CEP83: variants seen among roughly 807,000 people sequenced by gnomAD.
The protein encoded by CEP83 is centrosomal protein 83, also known as centrosomal protein of 83 kDa.
Under a neutral mutation model 101.9 loss-of-function variants are expected in CEP83, and 70 were observed. The observed-to-expected ratio is 0.69, with a 90% CI of 0.57 to 0.84. CEP83 has a LOEUF of 0.84. CEP83 is among the 40% of genes least tolerant of loss of function. CEP83 has a pLI of 0.00. For missense variants in CEP83, 715 were observed against 787.2 expected (o/e 0.91, Z 1.10); for synonymous variants, 264 against 267.9 (o/e 0.99, Z 0.14).
intron 1 of CEP83, among the ~76,000 whole-genome samples, chr12:94,437,002 A>C (rs1185251031): frequency 6.6e-6 from 1 of 152,086 alleles, no homozygotes; most frequent in African/African-American, 2.4e-5. Flanking sequence ...ATTTGAGGGA[A>C]TAATTGAGGA....
chr12:94,442,260 T>C (rs942221640), intron 1 of CEP83, among the ~76,000 whole-genome samples: 34 of 151,360 alleles, frequency 2.2e-4, no homozygotes, highest in Admixed American at 1.9e-3. Context: ...CTAACTGAAG[T>C]AACTCAGGAA....
At chr12:94,355,815 A>G (rs1366987513) in intron 11 of CEP83, among the ~76,000 whole-genome samples, 1 of 152,238 alleles carries the variant, frequency 6.6e-6, no homozygotes, top group Non-Finnish European at 1.5e-5. Flanking sequence ...TTAAGGGCGT[A>G]TTCCTGCTGC....
At chr12:94,359,886 A>G (rs1382932155) in intron 11 of CEP83, among the ~76,000 whole-genome samples, 2 of 152,132 alleles carry the variant, frequency 1.3e-5, no homozygotes, top group African/African-American at 4.8e-5. Context: ...CTCAACAAAA[A>G]CACCAGCAAA....
At chr12:94,424,570 G>C in intron 2 of CEP83, 1 of 1,613,380 alleles carries the variant, frequency 6.2e-7, no homozygotes, top group East Asian at 2.2e-5. Context: ...AATTTGTGGG[G>C]TCCTGTTCCT....
At chr12:94,385,205 A>T (rs2062068569) in intron 6 of CEP83, among the ~76,000 whole-genome samples, 1 of 152,156 alleles carries the variant, frequency 6.6e-6, no homozygotes, top group Admixed American at 6.5e-5. Flanking sequence ...TTAGGCCTCA[A>T]CTGACACCTC....
intron 7 of CEP83, among the ~76,000 whole-genome samples, chr12:94,376,688 TATACACACACACACACACAC>T (rs2061555824): frequency 1.1e-5 from 1 of 87,502 alleles, no homozygotes; most frequent in African/African-American, 5.0e-5. Flanking sequence ...TATATACATA[TATACACACACACACACACAC>T]ACACACACAC....
chr12:94,382,772 T>A (rs577330557), intron 6 of CEP83, among the ~76,000 whole-genome samples: 53 of 152,136 alleles, frequency 3.5e-4, no homozygotes, highest in African/African-American at 1.3e-3. Context: ...CAGGATATGG[T>A]CTATCTTGTA....
chr12:94,332,702 C>T (rs1284706271), intron 13 of CEP83, among the ~76,000 whole-genome samples: 2 of 152,050 alleles, frequency 1.3e-5, no homozygotes, highest in African/African-American at 4.8e-5. Flanking sequence ...ATGCTATGGA[C>T]ATTTATCTTG....
intron 1 of CEP83, among the ~76,000 whole-genome samples, chr12:94,440,003 C>T (rs1355284769): frequency 6.6e-6 from 1 of 152,054 alleles, no homozygotes; most frequent in African/African-American, 2.4e-5. Flanking sequence ...TGATTAAAAC[C>T]GTCTGCAACA....
At chr12:94,392,737 C>A (rs982931011) in intron 6 of CEP83, among the ~76,000 whole-genome samples, 2 of 152,002 alleles carry the variant, frequency 1.3e-5, no homozygotes, top group African/African-American at 4.8e-5. Flanking sequence ...AATTGATAAA[C>A]TGCTAGCAAG....
chr12:94,357,236 G>A (rs962183634), intron 11 of CEP83, among the ~76,000 whole-genome samples: 2 of 152,106 alleles, frequency 1.3e-5, no homozygotes, highest in African/African-American at 2.4e-5. Flanking sequence ...TGGTATCGGA[G>A]GTAATCTGCA....
intron 2 of CEP83, among the ~76,000 whole-genome samples, chr12:94,419,279 A>C (rs745367649): frequency 6.6e-6 from 1 of 152,106 alleles, no homozygotes; most frequent in Admixed American, 6.5e-5. Flanking sequence ...TTAATAATAT[A>C]AAAAATATCA....
intron 2 of CEP83, chr12:94,423,816 G>A (rs185861355): frequency 1.2e-4 from 201 of 1,613,408 alleles, no homozygotes; most frequent in Middle Eastern, 3.4e-4. Flanking sequence ...TCTGTTGGCC[G>A]CTGCTCTCCT....
At chr12:94,313,983 T>G (rs753832824) in intron 14 of CEP83, among the ~76,000 whole-genome samples, 5 of 152,162 alleles carry the variant, frequency 3.3e-5, no homozygotes, top group Non-Finnish European at 5.9e-5. Context: ...TTTCTAAATC[T>G]TAAAAGGAAA....
chr12:94,344,898 G>A (rs887517651), intron 11 of CEP83, among the ~76,000 whole-genome samples: 13 of 152,124 alleles, frequency 8.5e-5, no homozygotes, highest in African/African-American at 2.4e-4. Context: ...GGTAGAGGAC[G>A]TGCACTACCT....
intron 11 of CEP83, among the ~76,000 whole-genome samples, chr12:94,359,807 C>T (rs2136914150): frequency 6.6e-6 from 1 of 152,218 alleles, no homozygotes; most frequent in South Asian, 2.1e-4. Flanking sequence ...GACACCAAAA[C>T]CAGACAGGGA....
intron 11 of CEP83, among the ~76,000 whole-genome samples, chr12:94,338,533 T>C (rs1206399243): frequency 6.6e-6 from 1 of 152,090 alleles, no homozygotes; most frequent in African/African-American, 2.4e-5. Context: ...CCAGGTTATA[T>C]GCCATGAGAG....
At chr12:94,357,700 T>C (rs2060547727) in intron 11 of CEP83, among the ~76,000 whole-genome samples, 1 of 152,212 alleles carries the variant, frequency 6.6e-6, no homozygotes, top group Non-Finnish European at 1.5e-5. Context: ...CTGTGGACCC[T>C]TGCCAGCAGG....
chr12:94,443,317 C>T (rs776901213), intron 1 of CEP83, among the ~76,000 whole-genome samples: 23 of 151,980 alleles, frequency 1.5e-4, no homozygotes, highest in Non-Finnish European at 7.4e-5. Context: ...CCTTCTTAAA[C>T]CTTGTCTATT....
Sources: allele counts gnomAD v4.1 joint callset (sites outside exome capture counted in the v4.1 genomes callset), GRCh38; gene constraint gnomAD v4.1.1; transcripts MANE v1.5; gene names NCBI Gene and HGNC (gene_info 2026-07-23, HGNC 2026-07-21).